Variants in ZNF155 observed in about 807,000 individuals in gnomAD.
ZNF155 encodes the protein KRAB A domain.
ZNF155 carries 15 observed loss-of-function variants against 11.9 expected under a neutral mutation model. The ratio of observed to expected loss-of-function variants is 1.26; its 90% CI spans 0.84 to 1.94. ZNF155 has a LOEUF of 1.94. Among genes scored for constraint, ZNF155 ranks in the 30% most tolerant of loss-of-function variants. The pLI is 0.00. For missense variants in ZNF155, 602 were observed against 639.1 expected (o/e 0.94, Z 0.63); for synonymous variants, 212 against 219.9 (o/e 0.96, Z 0.32).
chr19:43,996,374 G>A lies in ZNF155; in HGVS notation c.517G>A (p.Glu173Lys), dbSNP rs1975862526. The A allele has an allele frequency of 6.2e-7, 1 of 1,614,164 alleles. No individual in the cohort carries two copies. Among genetic ancestry groups the A allele is most frequent in the Non-Finnish European group, 8.5e-7 (1 of 1,180,020 alleles). ...FDLPQQLYSEEKSYTCDECGK... is the reference protein window; with the variant it reads ...FDLPQQLYSEKKSYTCDECGK... The stretch of plus-strand genomic sequence containing the variant: ...TCTTCCTCAGCAGTTATACTCAGAA[G>A]AGAAGTCTTATACATGTGATGAGTG... The change falls in exon 5 of 5, where the codon GAG (glutamate) becomes AAG (lysine). Residue 173 changes from glutamate (E) to lysine (K), a missense_variant. Transcript: ENST00000270014.
chr19:43,996,103 C>T lies in ZNF155; in HGVS notation c.246C>T (p.Ile82=). 6.2e-7 allele frequency: 1 copy of T among 1,602,278 alleles called. No homozygotes were observed. The highest frequency in any genetic ancestry group is 8.5e-7 in the Non-Finnish European group (1 of 1,173,790). The change falls in exon 5 of 5, where the codon ATC becomes ATT. Residue 82 remains isoleucine (I), a synonymous_variant. Transcript: ENST00000270014. ...TCTGTGTCTTTATAGGAGGCAAGAT[C>T]CAAACTGAGTTGGAGTCTGTTCCAG... The part of the protein sequence containing the change: ...TQREGNSGGK[I]QTELESVPEA...
At chr19:43,994,181 A>G (rs1314084030) in intron 4 of ZNF155, among the ~76,000 whole-genome samples, 1 of 152,118 alleles carries the variant, frequency 6.6e-6, no homozygotes, top group Non-Finnish European at 1.5e-5. Context: ...GATTCTTCAC[A>G]TTTTTGATTG....
rs1286452938 is a variant in ZNF155 at position 43,985,606 on chromosome 19, T to C, written c.-86+1361T>C. ...CCCAGGCTAGAGTGCAGTGGCGCGA[T>C]CTGGGCTCAGTGCAATAGGCCGCCT... On this transcript the variant is annotated intron_variant, in intron 1 of 4. Coordinates refer to ENST00000270014, the MANE Select transcript of ZNF155 (RefSeq NM_198089.3). Among the ~76,000 whole-genome samples the C allele has an allele frequency of 2.7e-5, 4 of 150,052 alleles. No individual in the cohort carries two copies. The Admixed American group carries it at 2.7e-4, about 10-fold the overall frequency.
chr19:43,990,045 C>T, intron 2 of ZNF155: 5 of 1,510,924 alleles, frequency 3.3e-6, no homozygotes, highest in Non-Finnish European at 4.4e-6. Flanking sequence ...TGTGGGAATA[C>T]TTATAACCTG....
rs1975942069 is a variant in ZNF155, at chr19:43,997,375, T to TA, written c.1519dup (p.Ser507LysfsTer9). ...ACCGTAAAGACCAGCCGAGAGACTA[T>TA]AGTGGGGAAAACCCATCCAAATGTG... On this transcript the variant is annotated frameshift_variant, in exon 5 of 5. Coordinates refer to ENST00000270014, the MANE Select transcript of ZNF155 (RefSeq NM_198089.3). LOFTEE classifies it high-confidence loss of function. The TA allele has an allele frequency of 1.2e-6, 2 of 1,613,518 alleles. No homozygotes were observed. Among genetic ancestry groups the TA allele is most frequent in the Non-Finnish European group, 1.7e-6 (2 of 1,179,742 alleles).
In ZNF155 at chr19:43,991,953, T is replaced by C. The variant is rs1235850780; in HGVS notation, c.235+19T>C. The C allele has an allele frequency of 6.2e-7, 1 of 1,605,782 alleles. No individual in the cohort carries two copies. The highest frequency in any genetic ancestry group is 1.7e-5 in the Admixed American group (1 of 59,590). The stretch of plus-strand genomic sequence containing the variant: ...AATTCAGGTAAGAACTAAGCATCTG[T>C]GTGTCCTTGTACCTGACTCTCCCAC... On this transcript the variant is annotated intron_variant, in intron 4 of 4. Transcript: ENST00000270014.
At chr19:43,993,559 G>A (rs1348668152) in intron 4 of ZNF155, among the ~76,000 whole-genome samples, 1 of 152,078 alleles carries the variant, frequency 6.6e-6, no homozygotes, top group Non-Finnish European at 1.5e-5. Flanking sequence ...AATTACAGGT[G>A]CCCACCACCA....
At chr19:43,986,472 C>A (rs960886257) in intron 1 of ZNF155, among the ~76,000 whole-genome samples, 4 of 129,770 alleles carry the variant, frequency 3.1e-5, no homozygotes, top group African/African-American at 1.3e-4. Flanking sequence ...TTTTTTTAGA[C>A]GGAGTCTCGC....
At position 43,996,185 on chromosome 19, in the gene ZNF155, G is replaced by GA. The variant is rs748292757; in HGVS notation, c.329dup (p.Asp110GlufsTer12). 1.2e-6 allele frequency: 2 copies of GA among 1,614,012 alleles called. No individual in the cohort carries two copies. The highest frequency in any genetic ancestry group is 1.7e-6 in the Non-Finnish European group (2 of 1,180,022). ...GCAAATCTGGGAACAAATTGCAAAA[G>GA]ACTTAACCAGGTCTCAGGACTCTAT... On this transcript the variant is annotated frameshift_variant, in exon 5 of 5. Transcript: ENST00000270014. LOFTEE classifies it low-confidence loss of function (END_TRUNC).
Position 43,996,159 on chromosome 19 carries a change from AG to A in ZNF155, c.303del (p.Gln101HisfsTer11), listed in dbSNP as rs1383538188. On this transcript the variant is annotated frameshift_variant, in exon 5 of 5. Transcript: ENST00000270014. LOFTEE classifies it low-confidence loss of function (END_TRUNC). ...GGAGCACATGAAGAGTGGTCCTGCC[AG>A]CAAATCTGGGAACAAATTGCAAAAG... is the stretch of plus-strand genomic sequence containing the variant. ...EAGAHEEWSCQQIWEQIAKDL... is the reference protein window; with the variant it reads ...EAGAHEEWSCXQIWEQIAKDL... 3 of 1,614,134 alleles carry A rather than the reference AG, an allele frequency of 1.9e-6. No homozygotes were observed. In the East Asian group the frequency reaches 6.7e-5, roughly 36 times the overall value.
chr19:43,989,801 C>G (rs1387671790), intron 2 of ZNF155, among the ~76,000 whole-genome samples: 1 of 152,106 alleles, frequency 6.6e-6, no homozygotes, highest in Non-Finnish European at 1.5e-5. Context: ...AAATAATGAC[C>G]TGGGGCAGAA....
At position 43,996,532 on chromosome 19, in the gene ZNF155, C is replaced by T; in HGVS notation, c.675C>T (p.Val225=). 2.5e-6 allele frequency: 4 copies of T among 1,614,146 alleles called. No individual in the cohort carries two copies. Among genetic ancestry groups the T allele is most frequent in the Non-Finnish European group, 3.4e-6 (4 of 1,180,022 alleles). ...CACATCTGCAAACTCATCAGAGAGT[C>T]CACACTGGAGAGAAACCATTCAAAT... ...QSSHLQTHQR[V]HTGEKPFKCE... The change falls in exon 5 of 5, where the codon GTC becomes GTT. Residue 225 remains valine, a synonymous_variant. Coordinates refer to ENST00000270014, the MANE Select transcript of ZNF155 (RefSeq NM_198089.3).
intron 1 of ZNF155, among the ~76,000 whole-genome samples, chr19:43,986,878 C>T (rs1030684775): frequency 6.6e-5 from 10 of 152,040 alleles, no homozygotes; most frequent in East Asian, 1.9e-4. Flanking sequence ...CCAAATTTGC[C>T]GATTGTTTAC....
intron 1 of ZNF155, among the ~76,000 whole-genome samples, chr19:43,986,543 G>A (rs986027402): frequency 2.0e-5 from 3 of 149,114 alleles, no homozygotes; most frequent in Admixed American, 6.7e-5. Context: ...TCCGCCTCCC[G>A]GGTTCACACC....
At position 43,998,153 on chromosome 19, in the gene ZNF155, A is replaced by G. The variant is rs1975978117; in HGVS notation, c.*679A>G. On this transcript the variant is annotated 3_prime_UTR_variant, in exon 5 of 5. Transcript: ENST00000270014. ...GATTGGTCCCGGGCCAAGGTCCCAG[A>G]CCAAGCTGAATCACGCTTTCTCCAA... 1 of 152,132 alleles carries G rather than the reference A, an allele frequency of 6.6e-6. No individual in the cohort carries two copies. The highest frequency in any genetic ancestry group is 1.5e-5 in the Non-Finnish European group (1 of 68,072). 9.4% of individuals were successfully genotyped at this position (152,132 alleles called of 1,614,324 possible).
rs1975862073 is a variant in ZNF155 at position 43,996,369 on chromosome 19, C to T, written c.512C>T (p.Ser171Leu). 6.2e-7 allele frequency: 1 copy of T among 1,614,014 alleles called. No individual in the cohort carries two copies. The highest frequency in any genetic ancestry group is 1.1e-5 in the South Asian group (1 of 91,076). The change falls in exon 5 of 5, where the codon TCA (serine) becomes TTA (leucine). Residue 171 changes from serine (S) to leucine (L), a missense_variant. Coordinates refer to ENST00000270014, the MANE Select transcript of ZNF155 (RefSeq NM_198089.3). ...PIFDLPQQLY[S>L]EEKSYTCDEC... is the part of the protein sequence containing the mutation. Reference sequence around the variant, plus strand: ...TTTGATCTTCCTCAGCAGTTATACTCAGAAGAGAAGTCTTATACATGTGAT... The same window carrying T: ...TTTGATCTTCCTCAGCAGTTATACTTAGAAGAGAAGTCTTATACATGTGAT...
chr19:43,997,512 G>T lies in ZNF155; in HGVS notation c.*38G>T. On this transcript the variant is annotated 3_prime_UTR_variant, in exon 5 of 5. Coordinates refer to ENST00000270014, the MANE Select transcript of ZNF155 (RefSeq NM_198089.3). ...ATGGGGTACAACGTGCTATTTTAATGTGTGCATACAATTTATAGTGATCCA... is the reference window on the plus strand; with the variant it reads ...ATGGGGTACAACGTGCTATTTTAATTTGTGCATACAATTTATAGTGATCCA... 1 of 1,476,280 alleles carries T rather than the reference G, an allele frequency of 6.8e-7. No homozygotes were observed. 91.4% of individuals were successfully genotyped at this position (1,476,280 alleles called of 1,614,324 possible). A position where few individuals can be genotyped will look rare whatever the true frequency, so the allele number is the denominator to read the frequency against.
At position 43,998,099 on chromosome 19, in the gene ZNF155, A is replaced by G. The variant is rs1422264285; in HGVS notation, c.*625A>G. ...TGATTGGTCCCGGGCCAAGCTGAAT[A>G]GCCCTTATGAATCATCACTTCGGTT... On this transcript the variant is annotated 3_prime_UTR_variant, in exon 5 of 5. Transcript: ENST00000270014. The G allele has an allele frequency of 6.7e-6, 1 of 148,314 alleles. No homozygotes were observed. 9.2% of individuals were successfully genotyped at this position (148,314 alleles called of 1,614,324 possible). A position where few individuals can be genotyped will look rare whatever the true frequency, so the allele number is the denominator to read the frequency against.
Position 43,996,434 on chromosome 19 carries a change from G to A in ZNF155, c.577G>A (p.Val193Ile). ...KSICYISALH[V>I]HQRVHVGEKL... ...CATCTGTTACATCTCAGCTCTTCAT[G>A]TTCATCAGAGAGTCCACGTGGGAGA... Residue 193 changes from valine to isoleucine, a missense_variant, in exon 5 of 5, where the codon GTT becomes ATT. Val to Ile is a conservative substitution (Grantham distance 29). Transcript: ENST00000270014. 2 of 1,614,182 alleles carry A rather than the reference G, an allele frequency of 1.2e-6. No individual in the cohort carries two copies. The highest frequency in any genetic ancestry group is 1.7e-6 in the Non-Finnish European group (2 of 1,180,034).
Sources: gnomAD v4.1 joint callset for allele counts (sites outside exome capture counted in the v4.1 genomes callset) on GRCh38, gnomAD v4.1.1 for gene constraint, MANE v1.5 for transcripts, NCBI Gene and HGNC (gene_info 2026-07-23, HGNC 2026-07-21) for gene names.